MBD5: variants seen among roughly 807,000 people sequenced by gnomAD.
The protein encoded by MBD5 is methyl-CpG-binding domain protein 5.
MBD5 carries 13 observed loss-of-function variants against 117.3 expected under a neutral mutation model. The ratio of observed to expected loss-of-function variants is 0.11; its 90% confidence interval spans 0.07 to 0.18. MBD5 has a LOEUF of 0.18. MBD5 is among the 10% of genes least tolerant of loss of function. MBD5 has a pLI of 1.00. For synonymous variants in MBD5, 727 were observed against 766.4 expected (o/e 0.95, Z 0.85); for missense variants, 1,879 against 2,093.8 (o/e 0.90, Z 2.00).
At chr2:148,247,223 A>G (rs1330282947) in intron 3 of MBD5, among the ~76,000 whole-genome samples, 1 of 152,170 alleles carries the variant, frequency 6.6e-6, no homozygotes, top group Non-Finnish European at 1.5e-5. Flanking sequence ...TTGTTTCTTG[A>G]ATAAATTTTG....
chr2:148,324,683 T>A (rs1295087988), intron 3 of MBD5, among the ~76,000 whole-genome samples: 1 of 152,148 alleles, frequency 6.6e-6, no homozygotes, highest in Admixed American at 6.5e-5. Context: ...TACATTGATT[T>A]TGTATCCTGA....
Position 148,469,391 on chromosome 2 carries a change from C to T in MBD5, c.1448C>T (p.Ser483Phe). ...MMPPVGPQAT[S>F]SGIKVPPRSP... Reference sequence around the variant, plus strand: ...CCACCTGTAGGACCCCAGGCCACTTCTAGTGGTATTAAGGTTCCACCCAGG... The same window carrying T: ...CCACCTGTAGGACCCCAGGCCACTTTTAGTGGTATTAAGGTTCCACCCAGG... The change falls in exon 8 of 14, where the codon TCT becomes TTT. Residue 483 changes from serine (S) to phenylalanine (F), a missense_variant. This residue lies in a region of MBD5 where 1,666 missense variants were observed against 1,792.2 expected (regional missense o/e 0.93). Transcript: ENST00000642680. The T allele has an allele frequency of 6.2e-7, 1 of 1,613,816 alleles. No homozygotes were observed. Among genetic ancestry groups the T allele is most frequent in the Non-Finnish European group, 8.5e-7 (1 of 1,179,924 alleles).
At chr2:148,365,549 T>C (rs918344998) in intron 4 of MBD5, among the ~76,000 whole-genome samples, 1 of 152,032 alleles carries the variant, frequency 6.6e-6, no homozygotes, top group Non-Finnish European at 1.5e-5. Context: ...GCTGATTTTT[T>C]GAAAAGATTA....
At chr2:148,035,323 A>T (rs908924652) in intron 1 of MBD5, among the ~76,000 whole-genome samples, 3 of 151,892 alleles carry the variant, frequency 2.0e-5, no homozygotes, top group African/African-American at 7.2e-5. Flanking sequence ...TTATATTACT[A>T]TTAATAACTG....
chr2:148,262,200 A>T (rs1412167248), intron 3 of MBD5, among the ~76,000 whole-genome samples: 1 of 152,192 alleles, frequency 6.6e-6, no homozygotes, highest in African/African-American at 2.4e-5. Context: ...GGTTGTCGCA[A>T]ACCTTCCATT....
chr2:148,221,420 C>T (rs1699682871), intron 2 of MBD5, among the ~76,000 whole-genome samples: 1 of 152,098 alleles, frequency 6.6e-6, no homozygotes, highest in African/African-American at 2.4e-5. Context: ...TCCTTGCCAG[C>T]ATTTGTTATT....
chr2:148,242,894 CA>C (rs1454050276), intron 3 of MBD5, among the ~76,000 whole-genome samples: 1 of 152,126 alleles, frequency 6.6e-6, no homozygotes, highest in Non-Finnish European at 1.5e-5. Context: ...TATTTTTAAG[CA>C]GTGCATAGGA....
chr2:148,225,204 AT>A (rs774699671), intron 2 of MBD5, among the ~76,000 whole-genome samples: 18 of 151,868 alleles, frequency 1.2e-4, no homozygotes, highest in Non-Finnish European at 2.5e-4. Context: ...TGTTTTGTGT[AT>A]TAGTTGTATG....
chr2:148,345,585 ATATACACGTATACACATACATATG>A lies in MBD5; in HGVS notation c.-557+3254_-557+3277del, dbSNP rs1703100039. On this transcript the variant is annotated intron_variant, in intron 4 of 13. Coordinates refer to ENST00000642680, the MANE Select transcript of MBD5 (RefSeq NM_001378120.1). ...TATACACGTATACACATACATATGT[ATATACACGTATACACATACATATG>A]TATATACACGTATACACATACATAT... 2.2e-4 allele frequency among the ~76,000 whole-genome samples: 17 copies of A among 76,196 alleles called. No individual in the cohort carries two copies. In the South Asian group the frequency reaches 6.5e-3, roughly 29 times the overall value. The allele number at this position is 76,196 out of a possible 152,430, so 50.0% of individuals were successfully genotyped here.
chr2:148,512,840 GTTGTT>G, intron 13 of MBD5, 25 bp from the exon 14 acceptor site: 1 of 1,590,296 alleles, frequency 6.3e-7, no homozygotes, highest in Non-Finnish European at 8.6e-7. Context: ...CTCTGTTGTT[GTTGTT>G]TTTTTTCTAC....
In MBD5 at chr2:148,021,611, T is replaced by TC. The variant is rs1005836053; in HGVS notation, c.-991dup. ...CCTCCTTCGCCTCCTCCTCCTCCACTCCCCCCCTTTATTACCCTTTGTGTC... is the reference window on the plus strand; with the variant it reads ...CCTCCTTCGCCTCCTCCTCCTCCACTCCCCCCCCTTTATTACCCTTTGTGTC... On this transcript the variant is annotated 5_prime_UTR_variant, in exon 1 of 14. Coordinates refer to ENST00000642680, the MANE Select transcript of MBD5 (RefSeq NM_001378120.1). 4.1e-5 allele frequency: 19 copies of TC among 459,066 alleles called. 1 individual carries two copies. Among genetic ancestry groups the TC allele is most frequent in the South Asian group, 1.9e-4 (11 of 56,836 alleles). 28.4% of individuals were successfully genotyped at this position (459,066 alleles called of 1,614,324 possible).
intron 2 of MBD5, among the ~76,000 whole-genome samples, chr2:148,232,652 T>C (rs1223599300): frequency 6.8e-6 from 1 of 147,436 alleles, no homozygotes; most frequent in Non-Finnish European, 1.5e-5. Flanking sequence ...TTTTTTTCTT[T>C]TTTTTTTTTT....
chr2:148,092,729 A>C (rs763811728), intron 1 of MBD5, among the ~76,000 whole-genome samples: 1 of 152,102 alleles, frequency 6.6e-6, no homozygotes, highest in Non-Finnish European at 1.5e-5. Context: ...CTCAGGTGAT[A>C]GGTTCACCAA....
intron 3 of MBD5, among the ~76,000 whole-genome samples, chr2:148,304,914 A>T (rs1381902170): frequency 6.6e-6 from 1 of 151,788 alleles, no homozygotes; most frequent in East Asian, 1.9e-4. Context: ...AAATACAAAA[A>T]ATTAGCCGGG....
At chr2:148,354,883 G>A (rs910400152) in intron 4 of MBD5, among the ~76,000 whole-genome samples, 2 of 151,340 alleles carry the variant, frequency 1.3e-5, no homozygotes, top group African/African-American at 2.4e-5. Context: ...ACGTTTGTTG[G>A]CTGCATAAAT....
intron 2 of MBD5, among the ~76,000 whole-genome samples, chr2:148,186,638 T>C (rs1176350685): frequency 6.6e-6 from 1 of 152,232 alleles, no homozygotes; most frequent in Non-Finnish European, 1.5e-5. Context: ...CATTTTGCCG[T>C]TGTGATTTGG....
chr2:148,432,004 C>CAGTGTAAAAGTGT (rs1706003609), intron 4 of MBD5, among the ~76,000 whole-genome samples: 1 of 148,704 alleles, frequency 6.7e-6, no homozygotes, highest in Non-Finnish European at 1.5e-5. Context: ...CCCGTTAGCA[C>CAGTGTAAAAGTGT]TCACTTTTCT....
chr2:148,361,776 C>T (rs1703541016), intron 4 of MBD5, among the ~76,000 whole-genome samples: 1 of 152,202 alleles, frequency 6.6e-6, no homozygotes, highest in Non-Finnish European at 1.5e-5. Context: ...CCAGCGAGAT[C>T]AACGCAGAAG....
chr2:148,411,123 T>G (rs977865779), intron 4 of MBD5, among the ~76,000 whole-genome samples: 2 of 152,222 alleles, frequency 1.3e-5, no homozygotes, highest in African/African-American at 4.8e-5. Flanking sequence ...TGATTTTCTG[T>G]TCCTGCATTA....
Sources: allele counts gnomAD v4.1 joint callset (sites outside exome capture counted in the v4.1 genomes callset), GRCh38; gene constraint gnomAD v4.1.1; regional missense constraint gnomAD v4.1.1; transcripts MANE v1.5; gene names NCBI Gene and HGNC (gene_info 2026-07-23, HGNC 2026-07-21).